Variants in GPR39 observed in about 807,000 individuals in gnomAD.
The protein encoded by GPR39 is zinc sensing receptor.
GPR39 carries 23 observed loss-of-function variants against 18.4 expected under a neutral mutation model. The ratio of observed to expected loss-of-function variants is 1.25; its 90% CI spans 0.90 to 1.77. The LOEUF is 1.77. GPR39 is among the 40% of genes most tolerant of loss of function. GPR39 has a pLI of 0.00. For missense variants in GPR39, 647 were observed against 602.4 expected, an observed-to-expected ratio of 1.07 and a Z score of -0.78; for synonymous variants, 280 against 257.9, an observed-to-expected ratio of 1.09 and a Z score of -0.82.
chr2:132,523,428 A>G (rs1452554738), intron 1 of GPR39, among the ~76,000 whole-genome samples: 1 of 152,138 alleles, frequency 6.6e-6, no homozygotes, highest in Non-Finnish European at 1.5e-5. Flanking sequence ...GACCTGTGAA[A>G]ATTCTATTGC....
chr2:132,609,606 T>C (rs1681205294), intron 1 of GPR39, among the ~76,000 whole-genome samples: 4 of 152,308 alleles, frequency 2.6e-5, no homozygotes, highest in Non-Finnish European at 2.9e-5. Context: ...TCTGATGATA[T>C]ATTGAATGCC....
At chr2:132,462,480 G>C (rs868376007) in intron 1 of GPR39, among the ~76,000 whole-genome samples, 1 of 152,314 alleles carries the variant, frequency 6.6e-6, no homozygotes, top group African/African-American at 2.4e-5. Context: ...GGAAGTGGCT[G>C]TTAGGCCATT....
intron 1 of GPR39, among the ~76,000 whole-genome samples, chr2:132,553,401 CGT>C (rs1043918576): frequency 1.7e-4 from 24 of 144,768 alleles, no homozygotes; most frequent in East Asian, 1.2e-3. Flanking sequence ...TGTATATATA[CGT>C]ATATATATGT....
chr2:132,535,692 G>A (rs916230512), intron 1 of GPR39, among the ~76,000 whole-genome samples: 1 of 67,946 alleles, frequency 1.5e-5, no homozygotes. Flanking sequence ...ATCTGGTCCT[G>A]GGCTTTTTTT....
chr2:132,433,091 A>C (rs1008372574), intron 1 of GPR39, among the ~76,000 whole-genome samples: 1 of 152,234 alleles, frequency 6.6e-6, no homozygotes. Context: ...AAAAAAGTTA[A>C]GAAAAAGATA....
chr2:132,417,300 C>T lies in GPR39; in HGVS notation c.258C>T (p.Gly86=). 6.2e-7 allele frequency: 1 copy of T among 1,614,192 alleles called. No individual in the cohort carries two copies. The highest frequency in any genetic ancestry group is 8.5e-7 in the Non-Finnish European group (1 of 1,180,036). The change falls in exon 1 of 2, where the codon GGC becomes GGT. Residue 86 remains glycine (G), a synonymous_variant. Coordinates refer to ENST00000329321, the MANE Select transcript of GPR39 (RefSeq NM_001508.3). The part of the protein sequence containing the change: ...ACSDILVFLI[G]MPMEFYSIIW... ...CGGACATCTTGGTGTTCCTCATCGG[C>T]ATGCCCATGGAGTTCTACAGCATCA...
chr2:132,558,609 G>A (rs1049160334), intron 1 of GPR39, among the ~76,000 whole-genome samples: 7 of 152,104 alleles, frequency 4.6e-5, no homozygotes, highest in South Asian at 2.1e-4. Context: ...AGATGAGGTC[G>A]GGGGAAAGAA....
chr2:132,502,125 G>T (rs1472420548), intron 1 of GPR39, among the ~76,000 whole-genome samples: 2 of 152,064 alleles, frequency 1.3e-5, no homozygotes, highest in African/African-American at 2.4e-5. Flanking sequence ...CGTGCTATTT[G>T]TTGCCTGAAT....
intron 1 of GPR39, among the ~76,000 whole-genome samples, chr2:132,423,056 C>G (rs1680044987): frequency 6.6e-6 from 1 of 152,086 alleles, no homozygotes; most frequent in East Asian, 1.9e-4. Flanking sequence ...GCCCCTCTGG[C>G]TGTACAAGGC....
chr2:132,492,515 CATATATATACACCAT>C (rs970639885), intron 1 of GPR39, among the ~76,000 whole-genome samples: 1 of 111,042 alleles, frequency 9.0e-6, no homozygotes, highest in Non-Finnish European at 1.8e-5. Flanking sequence ...CCATATATAC[CATATATATACACCAT>C]ATATATACAC....
intron 1 of GPR39, among the ~76,000 whole-genome samples, chr2:132,461,089 C>T (rs1680822271): frequency 6.6e-6 from 1 of 152,194 alleles, no homozygotes; most frequent in Non-Finnish European, 1.5e-5. Context: ...AATTCCAAAG[C>T]CATCTGGCTC....
At chr2:132,499,087 T>C (rs1681703739) in intron 1 of GPR39, among the ~76,000 whole-genome samples, 1 of 152,206 alleles carries the variant, frequency 6.6e-6, no homozygotes, top group African/African-American at 2.4e-5. Flanking sequence ...TTATCTTTGT[T>C]TTTGTTGTAT....
chr2:132,448,340 AG>A (rs1680574760), intron 1 of GPR39, among the ~76,000 whole-genome samples: 1 of 152,214 alleles, frequency 6.6e-6, no homozygotes. Context: ...CCAAGCAGGA[AG>A]TAATTGATGG....
At chr2:132,529,815 G>A (rs1171356550) in intron 1 of GPR39, among the ~76,000 whole-genome samples, 1 of 152,130 alleles carries the variant, frequency 6.6e-6, no homozygotes, top group Non-Finnish European at 1.5e-5. Flanking sequence ...AGGAAAGCTA[G>A]CAAACAGAAA....
chr2:132,441,794 G>A (rs1680444277), intron 1 of GPR39, among the ~76,000 whole-genome samples: 1 of 152,160 alleles, frequency 6.6e-6, no homozygotes, highest in Admixed American at 6.5e-5. Context: ...GTGTCTTAAT[G>A]ATCTAAGACT....
intron 1 of GPR39, among the ~76,000 whole-genome samples, chr2:132,639,799 C>G (rs149728011): frequency 6.6e-6 from 1 of 152,066 alleles, no homozygotes. Flanking sequence ...TTGGAGGACC[C>G]GCTTCTAAAA....
At chr2:132,446,480 A>G (rs183637718) in intron 1 of GPR39, among the ~76,000 whole-genome samples, 118 of 152,340 alleles carry the variant, frequency 7.7e-4, no homozygotes, top group Non-Finnish European at 1.2e-3. Flanking sequence ...TGCACCAGGC[A>G]TTGTGCTAGG....
chr2:132,425,810 A>G (rs1216073022), intron 1 of GPR39, among the ~76,000 whole-genome samples: 3 of 152,098 alleles, frequency 2.0e-5, no homozygotes, highest in African/African-American at 7.2e-5. Context: ...CTGGCAGAGA[A>G]TATAGGTAGG....
intron 1 of GPR39, among the ~76,000 whole-genome samples, chr2:132,638,917 G>A (rs755734643): frequency 2.0e-4 from 30 of 150,076 alleles, no homozygotes; most frequent in Non-Finnish European, 3.3e-4. Context: ...TTGCAACCAC[G>A]CTGAGCCTTG....
Sources: gnomAD v4.1 joint callset for allele counts (sites outside exome capture counted in the v4.1 genomes callset) on GRCh38, gnomAD v4.1.1 for gene constraint, MANE v1.5 for transcripts, NCBI Gene and HGNC (gene_info 2026-07-23, HGNC 2026-07-21) for gene names.